Variants in CYP20A1 observed in about 807,000 individuals in gnomAD.
CYP20A1 encodes the protein cytochrome P450 family 20 subfamily A member 1, also known as cytochrome P450 20A1.
A neutral mutation model predicts 61.4 loss-of-function variants in CYP20A1; 61 were observed. The observed-to-expected ratio is 0.99, with a 90% CI of 0.81 to 1.23. The LOEUF is 1.23. Ranked by LOEUF, CYP20A1 falls within the 50% of genes most tolerant of loss-of-function variation. CYP20A1 has a pLI of 0.00. For synonymous variants in CYP20A1, 193 were observed against 188.2 expected, an observed-to-expected ratio of 1.03 and a Z score of -0.21; for missense variants, 530 against 542.4, an observed-to-expected ratio of 0.98 and a Z score of 0.23.
intron 8 of CYP20A1, among the ~76,000 whole-genome samples, chr2:203,282,839 C>G (rs959634028): frequency 7.2e-5 from 11 of 152,086 alleles, no homozygotes; most frequent in Non-Finnish European, 1.5e-5. Context: ...AGATGACCTT[C>G]CAAGTTATCT....
intron 8 of CYP20A1, among the ~76,000 whole-genome samples, chr2:203,283,440 A>C (rs1422139237): frequency 6.7e-6 from 1 of 150,370 alleles, no homozygotes; most frequent in Non-Finnish European, 1.5e-5. Flanking sequence ...CTGATCTCGA[A>C]CTCCTGACCT....
intron 3 of CYP20A1, among the ~76,000 whole-genome samples, chr2:203,248,364 T>A (rs1397872740): frequency 6.6e-6 from 1 of 152,140 alleles, no homozygotes; most frequent in African/African-American, 2.4e-5. Context: ...TAAAACCCTG[T>A]CGCTACTAAA....
chr2:203,259,431 A>C (rs2067043228), intron 4 of CYP20A1, among the ~76,000 whole-genome samples: 1 of 151,744 alleles, frequency 6.6e-6, no homozygotes, highest in African/African-American at 2.4e-5. Context: ...AATTCTTGTG[A>C]GATGTTGTTT....
intron 6 of CYP20A1, among the ~76,000 whole-genome samples, chr2:203,278,002 C>T (rs931231657): frequency 6.6e-6 from 1 of 151,626 alleles, no homozygotes; most frequent in African/African-American, 2.4e-5. Flanking sequence ...AGGCCAGGTG[C>T]GGGTGGCTCA....
At chr2:203,250,623 G>C (rs150757821) in intron 3 of CYP20A1, among the ~76,000 whole-genome samples, 9 of 152,320 alleles carry the variant, frequency 5.9e-5, no homozygotes, top group African/African-American at 1.9e-4. Flanking sequence ...TGCTCCTATG[G>C]AGTTTCTAGG....
Position 203,246,856 on chromosome 2 carries a change from G to A in CYP20A1, c.224G>A (p.Arg75Lys), listed in dbSNP as rs2066476472. ...CCTGTGGTCTCCTTCTGGTTTGGCA[G>A]GCGCCTCGTGGTTAGTTTGGGCACT... ...YGPVVSFWFGRRLVVSLGTVD... is the reference protein window; with the variant it reads ...YGPVVSFWFGKRLVVSLGTVD... Residue 75 changes from arginine (R) to lysine (K), a missense_variant, in exon 3 of 13, where the codon AGG becomes AAG. Transcript: ENST00000356079. 1 of 1,614,048 alleles carries A rather than the reference G, an allele frequency of 6.2e-7. No individual in the cohort carries two copies. Among genetic ancestry groups the A allele is most frequent in the African/African-American group, 1.3e-5 (1 of 74,918 alleles).
intron 11 of CYP20A1, among the ~76,000 whole-genome samples, chr2:203,294,666 C>T (rs997236451): frequency 6.6e-6 from 1 of 151,722 alleles, no homozygotes; most frequent in Non-Finnish European, 1.5e-5. Flanking sequence ...GACGGAGTCT[C>T]AATCTGTTGC....
Position 203,297,094 on chromosome 2 carries a change from T to G in CYP20A1, c.*186T>G. 2 of 442,630 alleles carry G rather than the reference T, an allele frequency of 4.5e-6. No homozygotes were observed. The highest frequency in any genetic ancestry group is 6.6e-5 in the South Asian group (2 of 30,132). The allele number at this position is 442,630 out of a possible 1,614,324, so 27.4% of individuals were successfully genotyped here. ...AATTCATTGTACACATTTGACTTAC[T>G]GCACAGTATATTGATCATTTTAATG... On this transcript the variant is annotated 3_prime_UTR_variant, in exon 13 of 13. Coordinates refer to ENST00000356079, the MANE Select transcript of CYP20A1 (RefSeq NM_177538.3).
At chr2:203,279,961 TC>T (rs2067977588) in intron 7 of CYP20A1, 97 bp from the exon 8 acceptor site, 2 of 726,980 alleles carry the variant, frequency 2.8e-6, no homozygotes, top group South Asian at 3.2e-5. Flanking sequence ...ACTTTTTTTT[TC>T]ATTGACACTA....
At chr2:203,292,093 T>TTCC (rs2068560597) in intron 10 of CYP20A1, among the ~76,000 whole-genome samples, 169 bp from the exon 11 acceptor site, 1 of 152,214 alleles carries the variant, frequency 6.6e-6, no homozygotes. Flanking sequence ...TAGGGAGGCC[T>TTCC]TCCTCATTGT....
chr2:203,252,230 A>G (rs1288337190), intron 4 of CYP20A1, 121 bp downstream of exon 4: 6 of 749,736 alleles, frequency 8.0e-6, no homozygotes, highest in African/African-American at 7.3e-5. Context: ...AGCTAATTTT[A>G]TTCTGAAATT....
At chr2:203,291,835 C>T (rs2068548526) in intron 10 of CYP20A1, among the ~76,000 whole-genome samples, 2 of 152,144 alleles carry the variant, frequency 1.3e-5, no homozygotes, top group Non-Finnish European at 2.9e-5. Context: ...CCGCTCCCTC[C>T]ACGCCACAAC....
chr2:203,279,207 C>T (rs979500556), intron 7 of CYP20A1, among the ~76,000 whole-genome samples: 1 of 152,126 alleles, frequency 6.6e-6, no homozygotes, highest in South Asian at 2.1e-4. Flanking sequence ...ACATCATGAT[C>T]CACCCGCCTT....
intron 4 of CYP20A1, among the ~76,000 whole-genome samples, chr2:203,259,201 G>A (rs1482547401): frequency 6.6e-6 from 1 of 152,122 alleles, no homozygotes; most frequent in Non-Finnish European, 1.5e-5. Context: ...TGTAGACTAT[G>A]TCGTTATGTG....
At chr2:203,251,793 G>GTGTATATATA (rs1553513992) in intron 3 of CYP20A1, among the ~76,000 whole-genome samples, 174 bp from the exon 4 acceptor site, 1 of 64,178 alleles carries the variant, frequency 1.6e-5, no homozygotes, top group Non-Finnish European at 3.9e-5. Context: ...ATATATATGT[G>GTGTATATATA]TATATATATA....
At chr2:203,253,798 T>C (rs1365150206) in intron 4 of CYP20A1, among the ~76,000 whole-genome samples, 4 of 152,000 alleles carry the variant, frequency 2.6e-5, no homozygotes, top group Non-Finnish European at 2.9e-5. Context: ...GTCTTTTTCT[T>C]TTTCTTTTTT....
chr2:203,256,721 AAGGT>A (rs2066907720), intron 4 of CYP20A1, among the ~76,000 whole-genome samples: 1 of 152,268 alleles, frequency 6.6e-6, no homozygotes, highest in East Asian at 1.9e-4. Flanking sequence ...GTGCTCCGTG[AAGGT>A]AGGGACTATT....
chr2:203,248,107 C>T (rs1253938261), intron 3 of CYP20A1, among the ~76,000 whole-genome samples: 8 of 152,080 alleles, frequency 5.3e-5, no homozygotes, highest in Non-Finnish European at 1.2e-4. Flanking sequence ...TGCCTGTAGA[C>T]CTAGCTACTT....
At chr2:203,290,815 A>G (rs1575270347) in intron 10 of CYP20A1, among the ~76,000 whole-genome samples, 1 of 151,350 alleles carries the variant, frequency 6.6e-6, no homozygotes, top group Non-Finnish European at 1.5e-5. Flanking sequence ...GCTGATTTTT[A>G]TATTTTTAGT....
Sources: allele counts gnomAD v4.1 joint callset (sites outside exome capture counted in the v4.1 genomes callset), GRCh38; gene constraint gnomAD v4.1.1; transcripts MANE v1.5; gene names NCBI Gene and HGNC (gene_info 2026-07-23, HGNC 2026-07-21).